DTNB: variants seen among roughly 807,000 people sequenced by gnomAD.
DTNB encodes DTN-B.
A neutral mutation model predicts 90.7 loss-of-function variants in DTNB; 63 were observed. That is an observed-to-expected ratio of 0.69 (90% CI 0.57 to 0.86). The LOEUF (loss-of-function observed/expected upper bound fraction) is 0.86. Among genes scored for constraint, DTNB ranks in the 40% least tolerant of loss-of-function variants. DTNB has a pLI of 0.00. For synonymous variants in DTNB, 277 were observed against 286.7 expected (o/e 0.97, Z 0.34); for missense variants, 744 against 807.1 (o/e 0.92, Z 0.95).
intron 9 of DTNB, among the ~76,000 whole-genome samples, chr2:25,530,303 G>A (rs1292276981): frequency 6.6e-6 from 1 of 152,006 alleles, no homozygotes. Flanking sequence ...TGAGCATGGT[G>A]GCCTGCACCT....
chr2:25,665,355 G>A (rs937656697), intron 1 of DTNB, among the ~76,000 whole-genome samples: 5 of 152,198 alleles, frequency 3.3e-5, no homozygotes, highest in African/African-American at 7.2e-5. Flanking sequence ...GGCCAGGCGC[G>A]GTGGCTCATG....
chr2:25,432,550 G>A (rs111480834), intron 14 of DTNB, among the ~76,000 whole-genome samples: 1 of 152,202 alleles, frequency 6.6e-6, no homozygotes, highest in African/African-American at 2.4e-5. Context: ...CCCGCCAAGT[G>A]TCTCTAAAGT....
At chr2:25,517,025 TAA>T (rs2075263803) in intron 9 of DTNB, among the ~76,000 whole-genome samples, 1 of 152,192 alleles carries the variant, frequency 6.6e-6, no homozygotes. Flanking sequence ...GCGTTATTCA[TAA>T]GAGTCAAAAA....
At chr2:25,486,374 G>A (rs2066146151) in intron 9 of DTNB, among the ~76,000 whole-genome samples, 1 of 152,114 alleles carries the variant, frequency 6.6e-6, no homozygotes, top group Admixed American at 6.5e-5. Context: ...TGGGGTGGGA[G>A]GATCACCTGA....
intron 6 of DTNB, among the ~76,000 whole-genome samples, chr2:25,584,213 T>C (rs931135801): frequency 2.6e-5 from 4 of 152,226 alleles, no homozygotes; most frequent in South Asian, 2.1e-4. Context: ...CTGAAGAGTG[T>C]ACAGTGGGGT....
chr2:25,441,573 T>C (rs980579604), intron 12 of DTNB, among the ~76,000 whole-genome samples: 1 of 152,242 alleles, frequency 6.6e-6, no homozygotes, highest in African/African-American at 2.4e-5. Flanking sequence ...CTCAGTATCG[T>C]GTGTTAGGGC....
At chr2:25,431,205 A>ATTT (rs35256450) in intron 14 of DTNB, among the ~76,000 whole-genome samples, 1 of 147,774 alleles carries the variant, frequency 6.8e-6, no homozygotes, top group Non-Finnish European at 1.5e-5. Flanking sequence ...TTCTTCTAGA[A>ATTT]TTTTTTTTTT....
intron 10 of DTNB, among the ~76,000 whole-genome samples, chr2:25,474,377 T>G (rs553921794): frequency 1.3e-5 from 2 of 152,322 alleles, no homozygotes; most frequent in South Asian, 4.2e-4. Flanking sequence ...ATGCTAGTTG[T>G]TTCCTGAAAC....
At chr2:25,393,837 T>C (rs1318488207) in intron 16 of DTNB, among the ~76,000 whole-genome samples, 1 of 152,066 alleles carries the variant, frequency 6.6e-6, no homozygotes, top group Non-Finnish European at 1.5e-5. Context: ...AATCTACAAA[T>C]TCAATGCAAT....
Position 25,607,293 on chromosome 2 carries a change from A to C in DTNB, c.391T>G (p.Ser131Ala). The change falls in exon 5 of 21, where the codon TCA becomes GCA. Residue 131 changes from serine (S) to alanine (A), a missense_variant. Coordinates refer to ENST00000406818, the MANE Select transcript of DTNB (RefSeq NM_021907.5). ...ATGGTTGCTAACATAGCTTTAACTG[A>C]AAATACCGTCAACTTGCCTCGGCCC... ...SEGRGKLTVF[S>A]VKAMLATMCG... is the part of the protein sequence containing the mutation. 6.2e-7 allele frequency: 1 copy of C among 1,607,004 alleles called. No homozygotes were observed. Among genetic ancestry groups the C allele is most frequent in the Non-Finnish European group, 8.5e-7 (1 of 1,176,612 alleles).
chr2:25,377,980 C>T (rs2036346266), intron 20 of DTNB, among the ~76,000 whole-genome samples: 1 of 152,204 alleles, frequency 6.6e-6, no homozygotes, highest in South Asian at 2.1e-4. Context: ...CTCATCACCC[C>T]TGATGTGGGT....
At chr2:25,561,572 A>T (rs927300603) in intron 8 of DTNB, among the ~76,000 whole-genome samples, 1 of 152,134 alleles carries the variant, frequency 6.6e-6, no homozygotes, top group African/African-American at 2.4e-5. Flanking sequence ...GCGTGGTGGG[A>T]GGTGACTGCA....
intron 12 of DTNB, among the ~76,000 whole-genome samples, chr2:25,435,609 G>A (rs1308716147): frequency 2.0e-5 from 3 of 152,094 alleles, no homozygotes; most frequent in Non-Finnish European, 2.9e-5. Flanking sequence ...TCCATTACAT[G>A]GATATACCAC....
At chr2:25,592,218 AT>A (rs879856820) in intron 6 of DTNB, among the ~76,000 whole-genome samples, 1 of 151,778 alleles carries the variant, frequency 6.6e-6, no homozygotes, top group Non-Finnish European at 1.5e-5. Flanking sequence ...CTTTTCCCCA[AT>A]TTTTTTTAAT....
intron 16 of DTNB, among the ~76,000 whole-genome samples, chr2:25,410,440 C>T (rs2046310637): frequency 1.3e-5 from 2 of 152,064 alleles, no homozygotes; most frequent in Non-Finnish European, 1.5e-5. Flanking sequence ...AACACCCATC[C>T]CCCATCCCCA....
At chr2:25,654,149 T>C (rs962056811) in intron 1 of DTNB, among the ~76,000 whole-genome samples, 9 of 152,168 alleles carry the variant, frequency 5.9e-5, no homozygotes, top group African/African-American at 2.2e-4. Context: ...GGCCAAGAGA[T>C]TCCAAAGCTC....
intron 4 of DTNB, among the ~76,000 whole-genome samples, chr2:25,613,920 T>G (rs1167942952): frequency 3.3e-5 from 5 of 152,176 alleles, no homozygotes; most frequent in Non-Finnish European, 4.4e-5. Context: ...ATCATGCCAC[T>G]GCACTCCAGC....
At chr2:25,625,551 ATTTTTTTTTTTTTT>A (rs66586812) in intron 4 of DTNB, among the ~76,000 whole-genome samples, 1 of 73,946 alleles carries the variant, frequency 1.4e-5, no homozygotes, top group Non-Finnish European at 2.5e-5. Context: ...TAACTCACTC[ATTTTTTTTTTTTTT>A]TTTTTTTTTT....
intron 8 of DTNB, among the ~76,000 whole-genome samples, chr2:25,575,938 T>C (rs1168811460): frequency 6.6e-6 from 1 of 152,176 alleles, no homozygotes; most frequent in East Asian, 1.9e-4. Context: ...TGTTACATAA[T>C]TTATAAGAAC....
Sources: allele counts gnomAD v4.1 joint callset (sites outside exome capture counted in the v4.1 genomes callset), GRCh38; gene constraint gnomAD v4.1.1; transcripts MANE v1.5; gene names NCBI Gene and HGNC (gene_info 2026-07-23, HGNC 2026-07-21).